The following MAN2B1 variants were observed in gnomAD, a reference collection of about 807,000 sequenced individuals.
The protein encoded by MAN2B1 is lysosomal alpha-mannosidase.
MAN2B1 carries 99 observed loss-of-function variants against 127.5 expected under a neutral mutation model. The observed-to-expected ratio is 0.78, with a 90% CI of 0.66 to 0.92. The LOEUF (loss-of-function observed/expected upper bound fraction) is 0.92, where lower values mean the gene tolerates loss of function less well. Among genes scored for constraint, MAN2B1 ranks in the 40% least tolerant of loss-of-function variants. The pLI is 0.00. For missense variants in MAN2B1, 1,304 were observed against 1,384.8 expected (o/e 0.94, Z 0.93); for synonymous variants, 573 against 568.8 (o/e 1.01, Z -0.11).
At chr19:12,666,040 T>G (rs939091074) in intron 1 of MAN2B1, among the ~76,000 whole-genome samples, 1 of 151,992 alleles carries the variant, frequency 6.6e-6, no homozygotes, top group South Asian at 2.1e-4. Context: ...AAAATAATAA[T>G]AGAAGTAGCT....
chr19:12,666,087 C>T (rs1436813256), intron 1 of MAN2B1, among the ~76,000 whole-genome samples: 1 of 152,136 alleles, frequency 6.6e-6, no homozygotes, highest in South Asian at 2.1e-4. Context: ...CAGACGGCCA[C>T]CGTGGGAGGT....
rs941347003 is a variant in MAN2B1, at chr19:12,665,235, C to T, written c.436+117G>A. 4 of 1,313,782 alleles carry T rather than the reference C, an allele frequency of 3.0e-6. No homozygotes were observed. In the African/African-American group the frequency reaches 4.3e-5, roughly 14 times the overall value. 81.4% of individuals were successfully genotyped at this position (1,313,782 alleles called of 1,614,324 possible). Reference sequence around the variant, plus strand: ...TCTCCAAATGGAGAGTCCAGGCAGGCGGAGCGACACGCATGTTATACAGCT... The same window carrying T: ...TCTCCAAATGGAGAGTCCAGGCAGGTGGAGCGACACGCATGTTATACAGCT... On this transcript the variant is annotated intron_variant, in intron 3 of 23. Coordinates refer to ENST00000456935, the MANE Select transcript of MAN2B1 (RefSeq NM_000528.4).
At chr19:12,649,877 C>T (rs762822402) in intron 18 of MAN2B1, 36 bp downstream of exon 18, 1 of 1,554,326 alleles carries the variant, frequency 6.4e-7, no homozygotes, top group Non-Finnish European at 8.9e-7. Context: ...CAACACACCA[C>T]AGACCACCCC....
At position 12,649,178 on chromosome 19, in the gene MAN2B1, G is replaced by A; in HGVS notation, c.2394C>T (p.Ser798=). The part of the protein sequence containing the change: ...NMQLTVLTDR[S]QGGSSLRDGS... ...CATCTCTCAGGCTGCTGCCCCCCTG[G>A]GAGCGGTCAGTCAGCACAGTCAGCT... The change falls in exon 20 of 24, where the codon TCC becomes TCT. Residue 798 remains serine, a synonymous_variant. Transcript: ENST00000456935. 6.2e-7 allele frequency: 1 copy of A among 1,612,918 alleles called. No homozygotes were observed. Among genetic ancestry groups the A allele is most frequent in the Non-Finnish European group, 8.5e-7 (1 of 1,180,024 alleles).
chr19:12,657,409 C>T, intron 11 of MAN2B1, 37 bp downstream of exon 11: 1 of 1,524,058 alleles, frequency 6.6e-7, no homozygotes, highest in South Asian at 1.2e-5. Flanking sequence ...CCCTTCCTGT[C>T]TCCACCCCCG....
At chr19:12,665,308 G>A (rs2024204333) in intron 3 of MAN2B1, 44 bp downstream of exon 3, 14 of 1,595,952 alleles carry the variant, frequency 8.8e-6, no homozygotes, top group Non-Finnish European at 1.2e-5. Flanking sequence ...AGAAGCAGAA[G>A]CTGGGCTGGG....
Position 12,658,493 on chromosome 19 carries a change from A to G in MAN2B1, c.1044T>C (p.Ser348=), listed in dbSNP as rs765139571. The G allele has an allele frequency of 2.5e-6, 4 of 1,614,150 alleles. No individual in the cohort carries two copies. The Admixed American group carries it at 6.7e-5, about 27-fold the overall frequency. The stretch of plus-strand genomic sequence containing the variant: ...CGGGGGTGGAGTAGAGAACATGGAC[A>G]CTGCTTCCTTTTGCCTGCTGCTGGG... ...LVNAQQAKGS[S]VHVLYSTPAC... The change falls in exon 8 of 24, where the codon AGT becomes AGC. Residue 348 remains serine (S), a synonymous_variant. Transcript: ENST00000456935.
rs559044566 is a variant in MAN2B1 at position 12,647,896 on chromosome 19, T to C, written c.2664+279A>G. Among the ~76,000 whole-genome samples the C allele has an allele frequency of 1.1e-3, 105 of 93,042 alleles. No individual in the cohort carries two copies. The highest frequency in any genetic ancestry group is 3.8e-3 in the African/African-American group (102 of 26,594). 61.0% of individuals were successfully genotyped at this position (93,042 alleles called of 152,430 possible). A position where few individuals can be genotyped will look rare whatever the true frequency, so the allele number is the denominator to read the frequency against. ...GGGCTGGGTGAGGCAGGACAGAGCC[T>C]GGGGGCGGTGAGAGGGCGGGGCTAA... On this transcript the variant is annotated intron_variant, in intron 21 of 23. Coordinates refer to ENST00000456935, the MANE Select transcript of MAN2B1 (RefSeq NM_000528.4). This position sits in a 1 kb window ranked among gnomAD's most constrained non-coding sequence, Gnocchi z 4.9.
rs377752596 is a variant in MAN2B1, at chr19:12,647,505, G to C, written c.2758C>G (p.Gln920Glu). 1 of 1,614,246 alleles carries C rather than the reference G, an allele frequency of 6.2e-7. No homozygotes were observed. ...CCGGAATCCTCTCCTACGGCAAACT[G>C]GTGCTCCAAGCGCAGCAGCACCATT... ...PEMVLLRLEH[Q>E]FAVGEDSGRN... Residue 920 changes from glutamine to glutamate, a missense_variant, in exon 22 of 24, where the codon CAG (glutamine) becomes GAG (glutamate). Coordinates refer to ENST00000456935, the MANE Select transcript of MAN2B1 (RefSeq NM_000528.4). The surrounding 1 kb of genome is among the most constrained non-coding windows in gnomAD (Gnocchi z 4.9).
chr19:12,652,899 ATCT>A (rs2023875009), intron 14 of MAN2B1, among the ~76,000 whole-genome samples: 1 of 147,924 alleles, frequency 6.8e-6, no homozygotes, highest in Non-Finnish European at 1.5e-5. Flanking sequence ...CAGGGGCGCA[ATCT>A]CTGCTCACTA....
At chr19:12,646,807 CT>C in intron 23 of MAN2B1, 75 bp from the exon 24 acceptor site, 1 of 1,064,348 alleles carries the variant, frequency 9.4e-7, no homozygotes, top group Non-Finnish European at 1.5e-6. Flanking sequence ...GCTTCCTCCC[CT>C]GGGTCTAGAC....
At chr19:12,662,622 TA>T (rs926694583) in intron 6 of MAN2B1, among the ~76,000 whole-genome samples, 25 of 149,190 alleles carry the variant, frequency 1.7e-4, no homozygotes, top group Admixed American at 1.3e-3. Context: ...AGAGTGAGTC[TA>T]AAAAAAATAA....
chr19:12,657,741 G>C (rs2024003125), intron 10 of MAN2B1, 186 bp from the exon 11 acceptor site: 3 of 652,144 alleles, frequency 4.6e-6, no homozygotes, highest in Admixed American at 4.7e-5. Context: ...GGCGGATCAC[G>C]AGGTCAGATC....
chr19:12,657,624 G>A (rs1156261765), intron 10 of MAN2B1, 69 bp from the exon 11 acceptor site: 3 of 1,338,260 alleles, frequency 2.2e-6, no homozygotes, highest in East Asian at 5.0e-5. Flanking sequence ...GAAGCGAAAG[G>A]TCCGGTGCTG....
intron 20 of MAN2B1, 84 bp downstream of exon 20, chr19:12,649,052 A>G (rs1414867159): frequency 8.7e-7 from 1 of 1,152,072 alleles, no homozygotes; most frequent in African/African-American, 1.5e-5. Context: ...GAAAGCAGAG[A>G]ACTGGGCCAG....
At chr19:12,658,862 A>C in intron 7 of MAN2B1, 2 of 344,622 alleles carry the variant, frequency 5.8e-6, no homozygotes, top group East Asian at 7.6e-5. Flanking sequence ...AAAAAACACA[A>C]CTTTTTTTTT....
rs2024251453 is a variant in MAN2B1 at position 12,666,588 on chromosome 19, G to A, written c.114C>T (p.Phe38=). The change falls in exon 1 of 24, where the codon TTC becomes TTT. Residue 38 remains phenylalanine, a synonymous_variant. Transcript: ENST00000456935. Reference sequence around the variant, plus strand: ...CACCGGCAGCCGCCAGCAACAAAAGGAAAAAGCAGAGAGGCGGGAGCGGTG... The same window carrying A: ...CACCGGCAGCCGCCAGCAACAAAAGAAAAAAGCAGAGAGGCGGGAGCGGTG... ...LRPPLPPLCF[F]LLLLAAAGAR... is the part of the protein sequence containing the mutation. 3 of 1,586,494 alleles carry A rather than the reference G, an allele frequency of 1.9e-6. No homozygotes were observed. Among genetic ancestry groups the A allele is most frequent in the Non-Finnish European group, 2.6e-6 (3 of 1,166,590 alleles).
At position 12,656,698 on chromosome 19, in the gene MAN2B1, G is replaced by A. The variant is rs764331693; in HGVS notation, c.1528-11C>T. The A allele has an allele frequency of 4.4e-6, 7 of 1,578,858 alleles. No homozygotes were observed. The highest frequency in any genetic ancestry group is 1.3e-5 in the African/African-American group (1 of 74,200). ...AACGATGACCTGGAACTGGGGAGGC[G>A]GGGGTCAGAGAGGGCATGGGTCACA... On this transcript the variant is annotated splice_polypyrimidine_tract_variant and intron_variant, in intron 12 of 23. Transcript: ENST00000456935.
chr19:12,649,192 G>A lies in MAN2B1; in HGVS notation c.2380C>T (p.Leu794=), dbSNP rs769324462. The A allele has an allele frequency of 1.2e-6, 2 of 1,613,298 alleles. No homozygotes were observed. The highest frequency in any genetic ancestry group is 1.7e-6 in the Non-Finnish European group (2 of 1,179,990). The change falls in exon 20 of 24, where the codon CTG becomes TTG. Residue 794 remains leucine, a synonymous_variant. Transcript: ENST00000456935. The part of the protein sequence containing the change: ...ITDGNMQLTV[L]TDRSQGGSSL... The stretch of plus-strand genomic sequence containing the variant: ...CTGCCCCCCTGGGAGCGGTCAGTCA[G>A]CACAGTCAGCTGCATGTTTCCATCC...
Sources: gnomAD v4.1 joint callset for allele counts (sites outside exome capture counted in the v4.1 genomes callset) on GRCh38, gnomAD v4.1.1 for gene constraint, Gnocchi (gnomAD v3.1) non-coding constraint, MANE v1.5 for transcripts, NCBI Gene and HGNC (gene_info 2026-07-23, HGNC 2026-07-21) for gene names.